NEDD4: variants seen among roughly 807,000 people sequenced by gnomAD.
NEDD4 encodes the protein NEDD4 E3 ubiquitin protein ligase.
A neutral mutation model predicts 144.9 loss-of-function variants in NEDD4; 99 were observed. The observed-to-expected ratio is 0.68, with a 90% CI of 0.58 to 0.81. NEDD4 has a LOEUF of 0.81. Among genes scored for constraint, NEDD4 ranks in the 30% least tolerant of loss-of-function variants. The pLI is 0.00. For missense variants in NEDD4, 985 were observed against 1,065.9 expected (o/e 0.92, Z 1.06); for synonymous variants, 318 against 350.6 (o/e 0.91, Z 1.04).
rs1318057440 is a variant in NEDD4, at chr15:55,951,404, G to A, written c.209C>T (p.Pro70Leu). Residue 70 changes from proline (P) to leucine (L), a missense_variant, in exon 4 of 29, where the codon CCA becomes CTA. Coordinates refer to ENST00000435532, the MANE Select transcript of NEDD4 (RefSeq NM_006154.4). Reference sequence around the variant, plus strand: ...GAATAATATTTCTTCATTCCACTTTGGATTCAAACTCTAAAAAATAATAAA... The same window carrying A: ...GAATAATATTTCTTCATTCCACTTTAGATTCAAACTCTAAAAAATAATAAA... ...QTKTIKKSLNPKWNEEILFRV... is the reference protein window; with the variant it reads ...QTKTIKKSLNLKWNEEILFRV... 2.3e-5 allele frequency: 23 copies of A among 1,022,118 alleles called. No individual in the cohort carries two copies. Among genetic ancestry groups the A allele is most frequent in the Non-Finnish European group, 3.1e-5 (22 of 704,352 alleles). 63.3% of individuals were successfully genotyped at this position (1,022,118 alleles called of 1,614,324 possible).
At chr15:55,897,335 T>G (rs2035771288) in intron 5 of NEDD4, among the ~76,000 whole-genome samples, 1 of 152,218 alleles carries the variant, frequency 6.6e-6, no homozygotes, top group Non-Finnish European at 1.5e-5. Context: ...ATCCTTCCTT[T>G]GTAAACATTA....
intron 5 of NEDD4, among the ~76,000 whole-genome samples, chr15:55,898,832 G>T (rs2035822323): frequency 6.6e-6 from 1 of 151,496 alleles, no homozygotes; most frequent in Admixed American, 6.6e-5. Flanking sequence ...ATAGAGACAG[G>T]GGTCTCACTC....
chr15:55,861,101 T>C (rs1368699543), intron 9 of NEDD4, among the ~76,000 whole-genome samples: 1 of 152,226 alleles, frequency 6.6e-6, no homozygotes, highest in Non-Finnish European at 1.5e-5. Context: ...TCAGAGCGCT[T>C]CATAGATTAT....
intron 2 of NEDD4, among the ~76,000 whole-genome samples, chr15:55,961,269 A>C (rs2037422256): frequency 6.6e-6 from 1 of 152,140 alleles, no homozygotes; most frequent in South Asian, 2.1e-4. Context: ...GCAGGGCTAG[A>C]GTTTACAGCC....
intron 1 of NEDD4, among the ~76,000 whole-genome samples, chr15:55,972,226 GA>G (rs1228172286): frequency 9.2e-5 from 14 of 152,204 alleles, no homozygotes; most frequent in Admixed American, 2.6e-4. Flanking sequence ...GACAAATACA[GA>G]ATATTATATC....
chr15:55,901,955 A>G (rs2035927067), intron 5 of NEDD4, among the ~76,000 whole-genome samples: 1 of 152,156 alleles, frequency 6.6e-6, no homozygotes, highest in Non-Finnish European at 1.5e-5. Flanking sequence ...TGGAAAAGCT[A>G]TAATAGGAAC....
In NEDD4 at chr15:55,974,326, T is replaced by G. The variant is rs554035690; in HGVS notation, c.46-7780A>C. Among the ~76,000 whole-genome samples, 5 of 152,152 alleles carry G rather than the reference T, an allele frequency of 3.3e-5. No individual in the cohort carries two copies. The South Asian group carries it at 1.0e-3, about 32-fold the overall frequency. Reference sequence around the variant, plus strand: ...GGACCTGATGGCTTCACTGCCAAATTCTACCAAATATTTAAAGAAGAATTA... The same window carrying G: ...GGACCTGATGGCTTCACTGCCAAATGCTACCAAATATTTAAAGAAGAATTA... On this transcript the variant is annotated intron_variant, in intron 1 of 28. Transcript: ENST00000435532.
intron 5 of NEDD4, among the ~76,000 whole-genome samples, chr15:55,880,770 A>G (rs536524211): frequency 1.1e-4 from 16 of 152,306 alleles, no homozygotes; most frequent in African/African-American, 3.4e-4. Flanking sequence ...GCTACGAGAG[A>G]GATGTTTCCT....
chr15:55,850,419 A>T, intron 14 of NEDD4, 123 bp downstream of exon 14: 1 of 872,070 alleles, frequency 1.1e-6, no homozygotes, highest in Non-Finnish European at 1.8e-6. Flanking sequence ...AGAATTCAAT[A>T]TACCTTTCAA....
intron 1 of NEDD4, among the ~76,000 whole-genome samples, chr15:55,976,626 A>ATT (rs1566975577): frequency 8.7e-4 from 114 of 131,394 alleles, no homozygotes; most frequent in Non-Finnish European, 1.3e-3. Context: ...TCTGGGCAAA[A>ATT]ATTTTTTTTT....
chr15:55,923,012 C>T (rs755341176), intron 5 of NEDD4, among the ~76,000 whole-genome samples: 17 of 151,950 alleles, frequency 1.1e-4, no homozygotes, highest in Non-Finnish European at 1.3e-4. Flanking sequence ...GGTGAAACCC[C>T]GTCTCTACTA....
intron 15 of NEDD4, 106 bp downstream of exon 15, chr15:55,848,700 A>G: frequency 7.8e-7 from 1 of 1,285,742 alleles, no homozygotes; most frequent in South Asian, 1.3e-5. Flanking sequence ...AGGTATCAAC[A>G]TTTTAATAAT....
At position 55,841,016 on chromosome 15, in the gene NEDD4, C is replaced by A. The variant is rs536024573; in HGVS notation, c.1839-289G>T. Among the ~76,000 whole-genome samples, 13 of 117,562 alleles carry A rather than the reference C, an allele frequency of 1.1e-4. No homozygotes were observed. In the South Asian group the frequency reaches 2.9e-3, roughly 26 times the overall value. 77.1% of individuals were successfully genotyped at this position (117,562 alleles called of 152,430 possible). A position where few individuals can be genotyped will look rare whatever the true frequency, so the allele number is the denominator to read the frequency against. ...TGACACGGTCACAGCTCACTGCAACCTCCGCCTCCCAGGTTCAAGTGATTC... is the reference window on the plus strand; with the variant it reads ...TGACACGGTCACAGCTCACTGCAACATCCGCCTCCCAGGTTCAAGTGATTC... On this transcript the variant is annotated intron_variant, in intron 19 of 28. Transcript: ENST00000435532.
intron 5 of NEDD4, among the ~76,000 whole-genome samples, chr15:55,885,916 T>A (rs1309461105): frequency 8.9e-5 from 13 of 145,522 alleles, no homozygotes; most frequent in Admixed American, 1.4e-4. Context: ...TGAATAGATT[T>A]AAAAAAAAAA....
At chr15:55,904,055 C>T (rs67505007) in intron 5 of NEDD4, among the ~76,000 whole-genome samples, 47,442 of 150,808 alleles carry the variant, frequency 0.31, 7,556 homozygotes, top group South Asian at 0.41. Flanking sequence ...CCAGCTACTT[C>T]GGAGGCTGGG....
rs147389100 is a variant in NEDD4, at chr15:55,977,089, T to C, written c.46-10543A>G. 7.9e-5 allele frequency among the ~76,000 whole-genome samples: 12 copies of C among 152,302 alleles called. No individual in the cohort carries two copies. The East Asian group carries it at 1.7e-3, about 22-fold the overall frequency. ...TGAGTGGGAGAAAATATGCATATCA[T>C]AGATTATTTATTTTAACCTTCTTTC... On this transcript the variant is annotated intron_variant, in intron 1 of 28. Transcript: ENST00000435532.
intron 7 of NEDD4, among the ~76,000 whole-genome samples, chr15:55,870,768 C>G (rs890201463): frequency 2.2e-4 from 34 of 152,060 alleles, no homozygotes; most frequent in African/African-American, 8.2e-4. Flanking sequence ...TTCCTGGGCT[C>G]AAGCAATCCA....
At chr15:55,836,267 G>A (rs1236825427) in intron 24 of NEDD4, among the ~76,000 whole-genome samples, 2 of 151,750 alleles carry the variant, frequency 1.3e-5, no homozygotes, top group Non-Finnish European at 2.9e-5. Context: ...CAGGACCTAT[G>A]TCTTTTGGCC....
At chr15:55,905,121 A>G (rs1487055200) in intron 5 of NEDD4, 1 of 317,704 alleles carries the variant, frequency 3.1e-6, no homozygotes, top group Non-Finnish European at 6.1e-6. Context: ...AGAAAAGAAA[A>G]TCAGGCATTT....
Sources: allele counts gnomAD v4.1 joint callset (sites outside exome capture counted in the v4.1 genomes callset), GRCh38; gene constraint gnomAD v4.1.1; transcripts MANE v1.5; gene names NCBI Gene and HGNC (gene_info 2026-07-23, HGNC 2026-07-21).